Variants in GALNT12 observed in about 807,000 individuals in gnomAD.
The protein encoded by GALNT12 is polypeptide N-acetylgalactosaminyltransferase 12, also known as UDP-GalNAc:polypeptide N-acetylgalactosaminyltransferase 12.
In GALNT12, 45 loss-of-function variants were observed where a neutral mutation model predicts 55.5. The ratio of observed to expected loss-of-function variants is 0.81; its 90% confidence interval spans 0.64 to 1.04. GALNT12 has a LOEUF of 1.04. Ranked by LOEUF, GALNT12 falls within the 50% of genes least tolerant of loss-of-function variation. The pLI, the probability that GALNT12 is intolerant of heterozygous loss-of-function variation, is 0.00. For synonymous variants in GALNT12, 304 were observed against 312.2 expected (o/e 0.97, Z 0.28); for missense variants, 709 against 754.8 (o/e 0.94, Z 0.71).
At chr9:98,843,783 A>C (rs553032767) in intron 7 of GALNT12, among the ~76,000 whole-genome samples, 2 of 152,174 alleles carry the variant, frequency 1.3e-5, no homozygotes, top group Non-Finnish European at 2.9e-5. Flanking sequence ...GTATCAACCC[A>C]GGTATATTTG....
At chr9:98,815,042 T>C (rs2118300664) in intron 1 of GALNT12, among the ~76,000 whole-genome samples, 1 of 152,342 alleles carries the variant, frequency 6.6e-6, no homozygotes, top group Admixed American at 6.5e-5. Context: ...CTTCCTTTTG[T>C]CCTCAAGGCA....
Position 98,840,039 on chromosome 9 carries a change from G to A in GALNT12, c.1250G>A (p.Arg417Gln), listed in dbSNP as rs752104260. Residue 417 changes from arginine (R) to glutamine (Q), a missense_variant, in exon 7 of 10, where the codon CGG becomes CAG. Arg to Gln is a conservative substitution (Grantham distance 43, BLOSUM62 1). Around this residue, in one of 5 missense-constraint regions of GALNT12, gnomAD observed 262 missense variants for 310.7 expected, o/e 0.84. Coordinates refer to ENST00000375011, the MANE Select transcript of GALNT12 (RefSeq NM_024642.5). ...FGDVTERKQL[R>Q]DKLQCKDFKW... The stretch of plus-strand genomic sequence containing the variant: ...GATGTGACAGAGAGGAAGCAGCTCC[G>A]GGACAAGCTCCAGTGTAAAGACTTC... The A allele has an allele frequency of 3.7e-6, 6 of 1,614,124 alleles. No individual in the cohort carries two copies. The highest frequency in any genetic ancestry group is 4.2e-6 in the Non-Finnish European group (5 of 1,179,996).
intron 9 of GALNT12, among the ~76,000 whole-genome samples, chr9:98,847,889 T>G (rs1836457816): frequency 6.7e-6 from 1 of 148,580 alleles, no homozygotes; most frequent in South Asian, 2.2e-4. Flanking sequence ...CTCAGCTCAC[T>G]GCAACCTCTG....
At position 98,836,978 on chromosome 9, in the gene GALNT12, C is replaced by T. The variant is rs2118450116; in HGVS notation, c.1042C>T (p.Gln348Ter). The change falls in exon 6 of 10, where the codon CAG (glutamine) becomes TAG (stop). Residue 348 changes from glutamine (Q) to a stop codon, truncating the protein, a stop_gained. Coordinates refer to ENST00000375011, the MANE Select transcript of GALNT12 (RefSeq NM_024642.5). LOFTEE classifies it high-confidence loss of function. ...ENLEFSFRIW[Q>*]CGGVLETHPC... ...TCCTTTTCTCTGTGTGCAGATCTGG[C>T]AGTGTGGTGGGGTTCTGGAAACACA... 6.2e-7 allele frequency: 1 copy of T among 1,614,062 alleles called. No homozygotes were observed. The highest frequency in any genetic ancestry group is 8.5e-7 in the Non-Finnish European group (1 of 1,180,002).
chr9:98,828,602 G>A (rs2058881), intron 3 of GALNT12, among the ~76,000 whole-genome samples: 146,430 of 152,304 alleles, frequency 0.96, 70,635 homozygotes, highest in African/African-American at 0.99. Flanking sequence ...GCATGCCTGT[G>A]GAAGAGGGGA....
At chr9:98,838,463 A>C (rs1460140822) in intron 6 of GALNT12, among the ~76,000 whole-genome samples, 2 of 152,288 alleles carry the variant, frequency 1.3e-5, no homozygotes, top group Non-Finnish European at 2.9e-5. Flanking sequence ...TGGCCCATCC[A>C]CCCACTGCAC....
At chr9:98,834,068 C>T (rs550090912) in intron 4 of GALNT12, among the ~76,000 whole-genome samples, 1 of 152,098 alleles carries the variant, frequency 6.6e-6, no homozygotes, top group East Asian at 1.9e-4. Context: ...GGGCAGGCCC[C>T]GATGCTGCAG....
chr9:98,836,236 A>G (rs182671945), intron 5 of GALNT12, among the ~76,000 whole-genome samples: 1 of 152,352 alleles, frequency 6.6e-6, no homozygotes, highest in Non-Finnish European at 1.5e-5. Context: ...TTTCCAGTTA[A>G]TGAAGTCTTA....
intron 1 of GALNT12, among the ~76,000 whole-genome samples, chr9:98,812,051 ATTAGACTGATGTTTATT>A (rs1184383472): frequency 6.6e-6 from 1 of 152,206 alleles, no homozygotes; most frequent in Non-Finnish European, 1.5e-5. Flanking sequence ...GGAGTAGGAC[ATTAGACTGATGTTTATT>A]TTGTTTCCCC....
chr9:98,844,933 C>T (rs902440687), intron 8 of GALNT12, among the ~76,000 whole-genome samples: 1 of 152,062 alleles, frequency 6.6e-6, no homozygotes, highest in Non-Finnish European at 1.5e-5. Context: ...TGAAGCTTCA[C>T]CGTACCAAGG....
intron 2 of GALNT12, among the ~76,000 whole-genome samples, chr9:98,824,920 A>C (rs566984588): frequency 1.3e-5 from 2 of 152,088 alleles, no homozygotes; most frequent in South Asian, 4.2e-4. Context: ...CCGTGTGGAC[A>C]TTGGTTCTGG....
chr9:98,830,723 C>T (rs1304135401), intron 3 of GALNT12, among the ~76,000 whole-genome samples: 1 of 152,234 alleles, frequency 6.6e-6, no homozygotes, highest in African/African-American at 2.4e-5. Context: ...GCAACTTCCT[C>T]AATTTGGGGA....
intron 1 of GALNT12, among the ~76,000 whole-genome samples, chr9:98,816,170 C>G (rs965307521): frequency 1.3e-5 from 2 of 151,904 alleles, no homozygotes; most frequent in African/African-American, 4.8e-5. Context: ...TTACAACAAG[C>G]CTCCTTCAGG....
At position 98,814,821 on chromosome 9, in the gene GALNT12, A is replaced by AACCC. The variant is rs1412486325; in HGVS notation, c.371+6752_371+6753insACCC. Reference sequence around the variant, plus strand: ...CCAGTAGGGTTGTTAGGAAGGCTACATGAAGTAATGTGTATAAAATGCTTA... The same window carrying AACCC: ...CCAGTAGGGTTGTTAGGAAGGCTACAACCCTGAAGTAATGTGTATAAAATGCTTA... On this transcript the variant is annotated intron_variant, in intron 1 of 9. Transcript: ENST00000375011. 4.6e-5 allele frequency among the ~76,000 whole-genome samples: 7 copies of AACCC among 152,364 alleles called. No homozygotes were observed. The East Asian group carries it at 5.8e-4, about 13-fold the overall frequency.
At chr9:98,808,255 A>G (rs1835421357) in intron 1 of GALNT12, among the ~76,000 whole-genome samples, 186 bp downstream of exon 1, 1 of 152,112 alleles carries the variant, frequency 6.6e-6, no homozygotes, top group African/African-American at 2.4e-5. Flanking sequence ...AAAAGACGAA[A>G]GTAGAAAAAA....
chr9:98,830,089 C>G (rs1411370545), intron 3 of GALNT12, among the ~76,000 whole-genome samples: 1 of 152,194 alleles, frequency 6.6e-6, no homozygotes, highest in African/African-American at 2.4e-5. Context: ...ACATTCCCAC[C>G]AACGGTGTGT....
At chr9:98,816,288 C>G (rs1835608303) in intron 1 of GALNT12, among the ~76,000 whole-genome samples, 1 of 151,446 alleles carries the variant, frequency 6.6e-6, no homozygotes, top group South Asian at 2.1e-4. Context: ...AATTGGCACC[C>G]AGCCTTCTTG....
chr9:98,829,189 CTAT>C (rs1486938749), intron 3 of GALNT12, among the ~76,000 whole-genome samples: 2 of 151,394 alleles, frequency 1.3e-5, no homozygotes, highest in Non-Finnish European at 2.9e-5. Flanking sequence ...ATCTATCTAT[CTAT>C]CTATCTATCT....
At chr9:98,821,172 G>C (rs1835726073) in intron 1 of GALNT12, among the ~76,000 whole-genome samples, 1 of 152,104 alleles carries the variant, frequency 6.6e-6, no homozygotes, top group African/African-American at 2.4e-5. Context: ...ATCATGCCCG[G>C]CTAATTTTTG....
Sources: allele counts gnomAD v4.1 joint callset (sites outside exome capture counted in the v4.1 genomes callset), GRCh38; gene constraint gnomAD v4.1.1; regional missense constraint gnomAD v4.1.1; transcripts MANE v1.5; gene names NCBI Gene and HGNC (gene_info 2026-07-23, HGNC 2026-07-21).